Variants in DCC observed in about 807,000 individuals in gnomAD.
DCC encodes the protein netrin receptor DCC.
In DCC, 58 loss-of-function variants were observed where a neutral mutation model predicts 172.5. That is an observed-to-expected ratio of 0.34 (90% confidence interval 0.27 to 0.42). The LOEUF is 0.42. DCC is among the 10% of genes least tolerant of loss of function. The pLI, the probability that DCC is intolerant of heterozygous loss-of-function variation, is 1.00. For synonymous variants in DCC, 709 were observed against 644.5 expected, an observed-to-expected ratio of 1.10 and a Z score of -1.52; for missense variants, 1,740 against 1,791.0, an observed-to-expected ratio of 0.97 and a Z score of 0.51.
intron 1 of DCC, among the ~76,000 whole-genome samples, chr18:52,389,430 A>G (rs1985943054): frequency 6.6e-6 from 1 of 152,126 alleles, no homozygotes; most frequent in South Asian, 2.1e-4. Flanking sequence ...GCTCATTCTG[A>G]CAATCTTATG....
At chr18:52,736,174 C>T (rs1015432998) in intron 1 of DCC, among the ~76,000 whole-genome samples, 1 of 151,964 alleles carries the variant, frequency 6.6e-6, no homozygotes, top group African/African-American at 2.4e-5. Context: ...GGACAGTTAA[C>T]CTCTCTGGGT....
chr18:53,242,007 A>T (rs897086956), intron 12 of DCC, among the ~76,000 whole-genome samples: 4 of 152,166 alleles, frequency 2.6e-5, no homozygotes, highest in Non-Finnish European at 5.9e-5. Context: ...GTCTCAGCTC[A>T]AAATCTCCTT....
At chr18:52,618,067 A>G (rs534285243) in intron 1 of DCC, among the ~76,000 whole-genome samples, 13 of 152,338 alleles carry the variant, frequency 8.5e-5, no homozygotes, top group Middle Eastern at 3.4e-3. Flanking sequence ...AGAAGGTTGT[A>G]CAAATATTTT....
At chr18:53,237,069 C>T (rs1222618037) in intron 12 of DCC, 2 of 151,690 alleles carry the variant, frequency 1.3e-5, no homozygotes, top group Non-Finnish European at 2.9e-5. Flanking sequence ...ATGTTTAAAA[C>T]CGTTACTCTC....
At chr18:52,978,860 C>T (rs1388280601) in intron 5 of DCC, among the ~76,000 whole-genome samples, 2 of 152,122 alleles carry the variant, frequency 1.3e-5, no homozygotes, top group Non-Finnish European at 2.9e-5. Context: ...GTAATGACTT[C>T]CAGCTCTATG....
chr18:52,893,689 C>CTA (rs2039686352), intron 2 of DCC, among the ~76,000 whole-genome samples: 1 of 152,106 alleles, frequency 6.6e-6, no homozygotes, highest in Non-Finnish European at 1.5e-5. Flanking sequence ...CAGGACTTAA[C>CTA]TATAACATAG....
At chr18:52,902,715 A>G (rs1181413082) in intron 2 of DCC, among the ~76,000 whole-genome samples, 1 of 152,232 alleles carries the variant, frequency 6.6e-6, no homozygotes, top group Non-Finnish European at 1.5e-5. Context: ...TTGTTACACC[A>G]CCATGAGATG....
At chr18:52,512,778 A>G (rs1460060436) in intron 1 of DCC, among the ~76,000 whole-genome samples, 1 of 152,180 alleles carries the variant, frequency 6.6e-6, no homozygotes, top group Admixed American at 6.5e-5. Flanking sequence ...AAGCAATGTA[A>G]AGGGATAGGG....
At chr18:52,645,082 T>C (rs1328498136) in intron 1 of DCC, among the ~76,000 whole-genome samples, 1 of 152,298 alleles carries the variant, frequency 6.6e-6, no homozygotes, top group South Asian at 2.1e-4. Flanking sequence ...CCCATTGATT[T>C]TGCATTTACA....
chr18:53,465,917 A>G (rs1186725680), intron 24 of DCC, among the ~76,000 whole-genome samples: 3 of 152,054 alleles, frequency 2.0e-5, no homozygotes, highest in Non-Finnish European at 4.4e-5. Context: ...GGCATATGCC[A>G]CCACTCCCGG....
chr18:52,701,428 T>A (rs1225270194), intron 1 of DCC, among the ~76,000 whole-genome samples: 6 of 152,172 alleles, frequency 3.9e-5, no homozygotes, highest in Non-Finnish European at 7.4e-5. Flanking sequence ...TGTGGGAGTT[T>A]CCTTCCTTCC....
intron 5 of DCC, among the ~76,000 whole-genome samples, chr18:53,002,110 A>T (rs2143846152): frequency 6.6e-6 from 1 of 152,230 alleles, no homozygotes; most frequent in South Asian, 2.1e-4. Flanking sequence ...TTGTTCATCT[A>T]GCCACATGTA....
At chr18:52,345,653 AG>A (rs1983846439) in intron 1 of DCC, among the ~76,000 whole-genome samples, 1 of 152,226 alleles carries the variant, frequency 6.6e-6, no homozygotes, top group Admixed American at 6.5e-5. Context: ...ACGCAGCCCA[AG>A]AAAGCCTTTC....
chr18:52,424,885 TC>T lies in DCC; in HGVS notation c.91+84009del, dbSNP rs573084187. On this transcript the variant is annotated intron_variant, in intron 1 of 28. Transcript: ENST00000442544. ...TATGTTATATTTCTTTCTATTTTTTTCCATTCATTTTTTATTATCTCTCCTG... is the reference window on the plus strand; with the variant it reads ...TATGTTATATTTCTTTCTATTTTTTTCATTCATTTTTTATTATCTCTCCTG... Among the ~76,000 whole-genome samples the T allele has an allele frequency of 1.6e-4, 24 of 151,748 alleles. No individual in the cohort carries two copies. The East Asian group carries it at 3.1e-3, about 20-fold the overall frequency.
At chr18:52,834,930 A>G (rs7233864) in intron 2 of DCC, among the ~76,000 whole-genome samples, 1,504 of 134,092 alleles carry the variant, frequency 0.011, 31 homozygotes, top group African/African-American at 0.038. Context: ...TGTATATTGG[A>G]CATATATGTA....
intron 7 of DCC, among the ~76,000 whole-genome samples, chr18:53,080,679 T>C (rs2042787088): frequency 1.3e-5 from 2 of 152,140 alleles, no homozygotes; most frequent in South Asian, 4.1e-4. Context: ...GAAATAATTA[T>C]GGCCTAAACT....
intron 1 of DCC, among the ~76,000 whole-genome samples, chr18:52,613,254 CTTGTT>C (rs1213236379): frequency 6.6e-6 from 1 of 151,654 alleles, no homozygotes; most frequent in Non-Finnish European, 1.5e-5. Flanking sequence ...TTGTTTTTTT[CTTGTT>C]TTGTTTTTGT....
chr18:52,455,906 T>G (rs1988443207), intron 1 of DCC, among the ~76,000 whole-genome samples: 1 of 152,162 alleles, frequency 6.6e-6, no homozygotes, highest in Non-Finnish European at 1.5e-5. Context: ...TACTTCCGTA[T>G]GTAAGTTAAA....
chr18:52,508,275 T>A (rs1421747429), intron 1 of DCC, among the ~76,000 whole-genome samples: 1 of 152,168 alleles, frequency 6.6e-6, no homozygotes, highest in Non-Finnish European at 1.5e-5. Flanking sequence ...CTTGTTTTAG[T>A]GTAGTTATAG....
Sources: gnomAD v4.1 joint callset for allele counts (sites outside exome capture counted in the v4.1 genomes callset) on GRCh38, gnomAD v4.1.1 for gene constraint, MANE v1.5 for transcripts, NCBI Gene and HGNC (gene_info 2026-07-23, HGNC 2026-07-21) for gene names.